The following DRC8 variants were observed in gnomAD, a reference collection of about 807,000 sequenced individuals.
The protein encoded by DRC8 is dynein regulatory complex subunit 8.
the DRC8 span, among the ~76,000 whole-genome samples, chr1:245,006,801 G>A: frequency 6.6e-6 from 1 of 152,088 alleles, no homozygotes; most frequent in African/African-American, 2.4e-5. Flanking sequence ...GGGCATGGTG[G>A]CACAGGCCTG....
the DRC8 span, among the ~76,000 whole-genome samples, chr1:244,976,918 CCAAATGTGGTATATA>C: frequency 6.6e-6 from 1 of 152,308 alleles, no homozygotes; most frequent in Non-Finnish European, 1.5e-5. Context: ...AATGAACAAA[CCAAATGTGGTATATA>C]CGTGTAGTGA....
At chr1:245,092,121 A>G in the DRC8 span, among the ~76,000 whole-genome samples, 1 of 152,212 alleles carries the variant, frequency 6.6e-6, no homozygotes, top group African/African-American at 2.4e-5. Context: ...ACTCTGGATC[A>G]GGCGCTTCAC....
the DRC8 span, among the ~76,000 whole-genome samples, chr1:245,015,046 A>G: frequency 6.6e-6 from 1 of 152,220 alleles, no homozygotes; most frequent in East Asian, 1.9e-4. Context: ...TAATTGAAAT[A>G]ATTACCTAAA....
chr1:245,047,452 T>C, the DRC8 span, among the ~76,000 whole-genome samples: 36 of 151,822 alleles, frequency 2.4e-4, no homozygotes, highest in African/African-American at 8.7e-4. Context: ...CTGGCCAACA[T>C]GGTAAAACCC....
At chr1:244,971,384 G>C in the DRC8 span, among the ~76,000 whole-genome samples, 1 of 152,218 alleles carries the variant, frequency 6.6e-6, no homozygotes, top group Non-Finnish European at 1.5e-5. Flanking sequence ...TCGCCAGTTC[G>C]GAGGCATCGA....
chr1:244,993,329 C>G, the DRC8 span, among the ~76,000 whole-genome samples: 2 of 152,174 alleles, frequency 1.3e-5, no homozygotes, highest in Non-Finnish European at 1.5e-5. Flanking sequence ...TGCACTCACT[C>G]TCTCCAAAGG....
the DRC8 span, among the ~76,000 whole-genome samples, chr1:245,073,106 A>G: frequency 2.0e-5 from 3 of 152,222 alleles, no homozygotes; most frequent in African/African-American, 7.2e-5. Flanking sequence ...TTGGGTAATA[A>G]AGAGGTATCA....
the DRC8 span, among the ~76,000 whole-genome samples, chr1:244,989,655 C>T: frequency 6.6e-6 from 1 of 152,160 alleles, no homozygotes; most frequent in South Asian, 2.1e-4. Flanking sequence ...ACTCTGTCTC[C>T]CCATTCCGTA....
the DRC8 span, among the ~76,000 whole-genome samples, chr1:245,015,157 G>A: frequency 6.6e-6 from 1 of 151,838 alleles, no homozygotes; most frequent in African/African-American, 2.4e-5. Flanking sequence ...TGGTTCTGTC[G>A]CCAGGCTGGC....
the DRC8 span, among the ~76,000 whole-genome samples, chr1:245,053,085 T>A: frequency 6.6e-6 from 1 of 152,362 alleles, no homozygotes; most frequent in Admixed American, 6.5e-5. Context: ...TTTTCGTGGC[T>A]TCTTTTTGGC....
the DRC8 span, chr1:245,091,430 T>A: frequency 6.6e-6 from 1 of 152,198 alleles, no homozygotes; most frequent in Non-Finnish European, 1.5e-5. Flanking sequence ...AGAAGTACAG[T>A]CTGGTGAATG....
At chr1:245,045,523 C>T in the DRC8 span, among the ~76,000 whole-genome samples, 4 of 152,302 alleles carry the variant, frequency 2.6e-5, no homozygotes, top group East Asian at 3.9e-4. Flanking sequence ...TCCAAATACC[C>T]GCTAGCAGTT....
At chr1:245,083,344 C>A in the DRC8 span, 4 of 1,089,884 alleles carry the variant, frequency 3.7e-6, no homozygotes, top group Non-Finnish European at 4.2e-6. Flanking sequence ...TTCCATGAAA[C>A]TGGTCCCTGG....
chr1:245,001,602 C>T, the DRC8 span, among the ~76,000 whole-genome samples: 1 of 152,186 alleles, frequency 6.6e-6, no homozygotes. Flanking sequence ...GGAGGTTTTC[C>T]TGTGTCTTGC....
chr1:245,023,946 G>C, the DRC8 span, among the ~76,000 whole-genome samples: 1 of 152,162 alleles, frequency 6.6e-6, no homozygotes, highest in African/African-American at 2.4e-5. Flanking sequence ...GAGGTGGGCA[G>C]ATCACCTGAG....
the DRC8 span, among the ~76,000 whole-genome samples, chr1:244,979,392 G>T: frequency 9.0e-5 from 12 of 133,452 alleles, no homozygotes; most frequent in South Asian, 2.8e-3. Flanking sequence ...TGCAACCTCT[G>T]CCTCCTGGGT....
chr1:245,040,713 G>A, the DRC8 span, among the ~76,000 whole-genome samples: 827 of 152,260 alleles, frequency 5.4e-3, 5 homozygotes, highest in African/African-American at 0.018. Context: ...AGGTTGAGGC[G>A]GGAGGATCGA....
chr1:245,122,083 G>C, the DRC8 span: 3 of 267,634 alleles, frequency 1.1e-5, no homozygotes, highest in Non-Finnish European at 2.1e-5. Flanking sequence ...ATTTTTAGTA[G>C]AGACGGGGTT....
chr1:244,977,709 T>C, the DRC8 span, among the ~76,000 whole-genome samples: 1 of 152,210 alleles, frequency 6.6e-6, no homozygotes, highest in African/African-American at 2.4e-5. Flanking sequence ...GTCCACATGC[T>C]TTGAGCTTTA....
Sources: gnomAD v4.1 joint callset for allele counts (sites outside exome capture counted in the v4.1 genomes callset) on GRCh38, gnomAD v4.1.1 for gene constraint, MANE v1.5 for transcripts, NCBI Gene and HGNC (gene_info 2026-07-23, HGNC 2026-07-21) for gene names.